The following CDC42BPA variants were observed in gnomAD, a reference collection of about 807,000 sequenced individuals.
CDC42BPA encodes the protein CDC42 binding protein kinase alpha.
CDC42BPA carries 80 observed loss-of-function variants against 223.5 expected under a neutral mutation model. The ratio of observed to expected loss-of-function variants is 0.36; its 90% CI spans 0.30 to 0.43. The LOEUF is 0.43. Among genes scored for constraint, CDC42BPA ranks in the 20% least tolerant of loss-of-function variants. The pLI is 1.00. For missense variants in CDC42BPA, 1,743 were observed against 2,099.9 expected (o/e 0.83, Z 3.32); for synonymous variants, 694 against 718.6 (o/e 0.97, Z 0.55).
chr1:227,103,612 T>C (rs906366751), intron 14 of CDC42BPA, among the ~76,000 whole-genome samples: 8 of 152,072 alleles, frequency 5.3e-5, no homozygotes, highest in Admixed American at 1.3e-4. Context: ...AATATACTTT[T>C]CAAATATTAA....
chr1:227,174,303 C>T (rs1306862058), intron 5 of CDC42BPA, among the ~76,000 whole-genome samples: 12 of 152,120 alleles, frequency 7.9e-5, no homozygotes, highest in Admixed American at 7.9e-4. Context: ...CTGTAAGAGA[C>T]TGAGAGAATT....
chr1:227,082,714 C>CAAAAAAAA lies in CDC42BPA; in HGVS notation c.2356-1705_2356-1698dup, dbSNP rs71574595. ...TGGGTGACAGAATGAGACTCTGTCT[C>CAAAAAAAA]AAAAAAAAAAAAAAAAAAAAAAAAA... is the stretch of plus-strand genomic sequence containing the variant. On this transcript the variant is annotated intron_variant, in intron 16 of 36. Transcript: ENST00000366766. 2.5e-4 allele frequency among the ~76,000 whole-genome samples: 15 copies of CAAAAAAAA among 59,518 alleles called. 2 individuals are homozygous for CAAAAAAAA. Among genetic ancestry groups the CAAAAAAAA allele is most frequent in the South Asian group, 8.8e-4 (1 of 1,142 alleles). The allele number at this position is 59,518 out of a possible 152,430, so 39.0% of individuals were successfully genotyped here. A position where few individuals can be genotyped will look rare whatever the true frequency, so the allele number is the denominator to read the frequency against.
chr1:227,190,354 T>A (rs1159389526), intron 5 of CDC42BPA, among the ~76,000 whole-genome samples: 2 of 152,214 alleles, frequency 1.3e-5, no homozygotes, highest in Non-Finnish European at 2.9e-5. Context: ...ATCTATAAAA[T>A]GGGGCAACGT....
rs1018695600 is a variant in CDC42BPA, at chr1:227,013,557, C to T, written c.4857+2523G>A. On this transcript the variant is annotated intron_variant, in intron 34 of 36. Transcript: ENST00000366766. Reference sequence around the variant, plus strand: ...GAAAGAACTCTGGAACATTAGCAAACTGATTTTTCACCTGATGGCAGAAGG... The same window carrying T: ...GAAAGAACTCTGGAACATTAGCAAATTGATTTTTCACCTGATGGCAGAAGG... Among the ~76,000 whole-genome samples, 7 of 152,142 alleles carry T rather than the reference C, an allele frequency of 4.6e-5. No homozygotes were observed. In the East Asian group the frequency reaches 9.7e-4, roughly 21 times the overall value.
intron 2 of CDC42BPA, among the ~76,000 whole-genome samples, chr1:227,245,008 C>G (rs1680662838): frequency 6.6e-6 from 1 of 152,222 alleles, no homozygotes; most frequent in Non-Finnish European, 1.5e-5. Flanking sequence ...CCCAGCAAGT[C>G]AGAACGAGTT....
At chr1:227,184,919 A>T (rs1668511098) in intron 5 of CDC42BPA, among the ~76,000 whole-genome samples, 1 of 152,110 alleles carries the variant, frequency 6.6e-6, no homozygotes, top group African/African-American at 2.4e-5. Context: ...TACTAATACC[A>T]TTTTTCTTCA....
At chr1:227,000,295 T>G (rs547637587) in intron 35 of CDC42BPA, among the ~76,000 whole-genome samples, 1 of 152,150 alleles carries the variant, frequency 6.6e-6, no homozygotes, top group African/African-American at 2.4e-5. Flanking sequence ...ATATACTCTT[T>G]ACTTTTTTGA....
Position 227,173,665 on chromosome 1 carries a change from T to A in CDC42BPA, c.600-13029A>T, listed in dbSNP as rs994006518. Among the ~76,000 whole-genome samples, 7 of 152,216 alleles carry A rather than the reference T, an allele frequency of 4.6e-5. No homozygotes were observed. The East Asian group carries it at 1.2e-3, about 25-fold the overall frequency. On this transcript the variant is annotated intron_variant, in intron 5 of 36. Coordinates refer to ENST00000366766, the MANE Select transcript of CDC42BPA (RefSeq NM_001394014.1). The stretch of plus-strand genomic sequence containing the variant: ...GCACTATCATATATGTATGCTGGGC[T>A]GTCCTAATTCCACCAAGAAAGAATG...
rs1349134588 is a variant in CDC42BPA at position 227,147,432 on chromosome 1, T to C, written c.821A>G (p.Glu274Gly). The C allele has an allele frequency of 3.7e-6, 6 of 1,613,454 alleles. No individual in the cohort carries two copies. The highest frequency in any genetic ancestry group is 4.2e-6 in the Non-Finnish European group (5 of 1,179,728). Reference protein sequence around the residue: ...DWWSLGVCMYEMLYGETPFYA... With the variant: ...DWWSLGVCMYGMLYGETPFYA... Reference sequence around the variant, plus strand: ...AAATGGTGTTTCTCCGTAAAGCATTTCATACATACAGACCCCCAAAGACCA... The same window carrying C: ...AAATGGTGTTTCTCCGTAAAGCATTCCATACATACAGACCCCCAAAGACCA... The change falls in exon 7 of 37, where the codon GAA becomes GGA. Residue 274 changes from glutamate to glycine, a missense_variant. Physicochemically the swap from Glu to Gly is moderately conservative, Grantham distance 98. Around this residue, in one of 6 missense-constraint regions of CDC42BPA, gnomAD observed 321 missense variants for 488.7 expected, o/e 0.66. Coordinates refer to ENST00000366766, the MANE Select transcript of CDC42BPA (RefSeq NM_001394014.1).
intron 4 of CDC42BPA, 76 bp from the exon 5 acceptor site, chr1:227,194,010 A>T: frequency 2.1e-6 from 2 of 968,462 alleles, no homozygotes; most frequent in South Asian, 3.9e-5. Context: ...CCCAAGGTCA[A>T]CAGGACTGGG....
intron 10 of CDC42BPA, among the ~76,000 whole-genome samples, chr1:227,133,530 G>T (rs1048340490): frequency 3.0e-4 from 46 of 152,336 alleles, no homozygotes; most frequent in African/African-American, 1.1e-3. Context: ...AAGGGGGGAA[G>T]GGTGGGGAAA....
At chr1:227,236,961 T>C (rs1257456335) in intron 2 of CDC42BPA, among the ~76,000 whole-genome samples, 1 of 143,250 alleles carries the variant, frequency 7.0e-6, no homozygotes, top group Non-Finnish European at 1.5e-5. Flanking sequence ...GAGGATCAAC[T>C]GAGCTCAAGA....
chr1:227,238,233 C>G (rs915611508), intron 2 of CDC42BPA, among the ~76,000 whole-genome samples: 5 of 150,896 alleles, frequency 3.3e-5, no homozygotes, highest in Non-Finnish European at 5.9e-5. Flanking sequence ...GTGGGGCACA[C>G]CTGTAGTCCC....
chr1:227,283,472 A>G (rs1210084720), intron 1 of CDC42BPA, among the ~76,000 whole-genome samples: 1 of 152,190 alleles, frequency 6.6e-6, no homozygotes, highest in Non-Finnish European at 1.5e-5. Flanking sequence ...AAATAGAAAA[A>G]GCAAATGAAA....
At chr1:227,011,318 T>G (rs992365249) in intron 34 of CDC42BPA, among the ~76,000 whole-genome samples, 1 of 152,190 alleles carries the variant, frequency 6.6e-6, no homozygotes, top group East Asian at 1.9e-4. Context: ...AATTGGACTT[T>G]CAGAGATACA....
chr1:227,013,196 T>C (rs1665545254), intron 34 of CDC42BPA, among the ~76,000 whole-genome samples: 2 of 152,024 alleles, frequency 1.3e-5, no homozygotes, highest in Admixed American at 1.3e-4. Flanking sequence ...AAAACTGAAA[T>C]GCAATGAGAG....
intron 1 of CDC42BPA, among the ~76,000 whole-genome samples, chr1:227,295,224 G>A (rs1296508281): frequency 6.6e-6 from 1 of 152,048 alleles, no homozygotes; most frequent in Admixed American, 6.6e-5. Flanking sequence ...ACAGTGGTGT[G>A]ATCTCAGCTT....
At chr1:227,255,618 C>T (rs950759225) in intron 1 of CDC42BPA, among the ~76,000 whole-genome samples, 1 of 152,176 alleles carries the variant, frequency 6.6e-6, no homozygotes, top group African/African-American at 2.4e-5. Context: ...CATACCACTG[C>T]ACTCCTGCCT....
chr1:227,164,070 T>C (rs974117125), intron 5 of CDC42BPA, among the ~76,000 whole-genome samples: 22 of 152,118 alleles, frequency 1.4e-4, no homozygotes, highest in East Asian at 5.8e-4. Flanking sequence ...TTTTTTTCAG[T>C]TGACAATCTT....
Sources: allele counts gnomAD v4.1 joint callset (sites outside exome capture counted in the v4.1 genomes callset), GRCh38; gene constraint gnomAD v4.1.1; regional missense constraint gnomAD v4.1.1; transcripts MANE v1.5; gene names NCBI Gene and HGNC (gene_info 2026-07-23, HGNC 2026-07-21).